Variants in REC114 observed in about 807,000 individuals in gnomAD.
REC114 encodes the protein REC114 meiotic recombination protein.
In REC114, 27 loss-of-function variants were observed where a neutral mutation model predicts 31.3. That is an observed-to-expected ratio of 0.86 (90% CI 0.64 to 1.19). The LOEUF (loss-of-function observed/expected upper bound fraction) is 1.19. REC114 is among the 50% of genes most tolerant of loss of function. The probability of loss-of-function intolerance (pLI) is 0.00; values close to 1 mark genes in which losing one functional copy is unlikely to be tolerated. For missense variants in REC114, 344 were observed against 326.9 expected (o/e 1.05, Z -0.40); for synonymous variants, 134 against 127.7 (o/e 1.05, Z -0.33).
chr15:73,516,206 G>T (rs897276088), intron 2 of REC114, among the ~76,000 whole-genome samples: 4 of 151,850 alleles, frequency 2.6e-5, no homozygotes, highest in African/African-American at 7.3e-5. Flanking sequence ...GGCTAGTCTC[G>T]AACTCCTGAC....
chr15:73,455,028 G>C (rs16957912), intron 1 of REC114, among the ~76,000 whole-genome samples: 25,116 of 152,152 alleles, frequency 0.17, 3,266 homozygotes, highest in African/African-American at 0.36. Context: ...TTTTGCAGTG[G>C]TTTTGAAAAC....
At chr15:73,492,995 C>A (rs1012986428) in intron 2 of REC114, among the ~76,000 whole-genome samples, 1 of 151,350 alleles carries the variant, frequency 6.6e-6, no homozygotes, top group Non-Finnish European at 1.5e-5. Context: ...TTTTTTTACT[C>A]TTCTTTATTT....
chr15:73,461,578 T>G (rs1011471476), intron 1 of REC114, among the ~76,000 whole-genome samples: 1 of 152,192 alleles, frequency 6.6e-6, no homozygotes, highest in Non-Finnish European at 1.5e-5. Flanking sequence ...TTCTACCTGA[T>G]GTTAGATTTT....
intron 1 of REC114, among the ~76,000 whole-genome samples, chr15:73,445,315 A>G (rs1892750293): frequency 6.6e-6 from 1 of 152,218 alleles, no homozygotes; most frequent in African/African-American, 2.4e-5. Flanking sequence ...ATACGTTAAA[A>G]AATCAGATCA....
At chr15:73,482,055 T>C (rs1893302657) in intron 2 of REC114, among the ~76,000 whole-genome samples, 2 of 152,176 alleles carry the variant, frequency 1.3e-5, no homozygotes, top group Non-Finnish European at 2.9e-5. Flanking sequence ...ACTCTTCATC[T>C]TGCAAAACGA....
At chr15:73,448,099 GTTT>G (rs112509142) in intron 1 of REC114, among the ~76,000 whole-genome samples, 46 of 145,328 alleles carry the variant, frequency 3.2e-4, no homozygotes, top group African/African-American at 1.0e-3. Flanking sequence ...GAGTTTGTTT[GTTT>G]TTTTTTTTTC....
intron 1 of REC114, among the ~76,000 whole-genome samples, chr15:73,446,979 T>G (rs1892773034): frequency 6.6e-6 from 1 of 152,214 alleles, no homozygotes; most frequent in African/African-American, 2.4e-5. Flanking sequence ...TGATGATGGC[T>G]TAGACTCAGG....
In REC114 at chr15:73,448,831, G is replaced by A. The variant is rs187893340; in HGVS notation, c.159+5487G>A. Among the ~76,000 whole-genome samples, 1,043 of 152,276 alleles carry A rather than the reference G, an allele frequency of 6.8e-3. 11 individuals are homozygous for A. Among genetic ancestry groups the A allele is most frequent in the African/African-American group, 0.023 (969 of 41,548 alleles). ...GGCAGCAGCCTGTTCTGCAGCCTCC[G>A]CTGGTGATACCCAGGCAAACAGGGT... On this transcript the variant is annotated intron_variant, in intron 1 of 5. Transcript: ENST00000331090.
At chr15:73,536,266 T>C (rs578191534) in intron 2 of REC114, among the ~76,000 whole-genome samples, 47 of 152,320 alleles carry the variant, frequency 3.1e-4, no homozygotes, top group African/African-American at 1.0e-3. Flanking sequence ...CTCAGCACTT[T>C]CCTGGGTTAT....
intron 2 of REC114, among the ~76,000 whole-genome samples, chr15:73,491,320 ATAAG>A (rs1245665998): frequency 5.6e-4 from 7 of 12,490 alleles, no homozygotes; most frequent in Non-Finnish European, 9.5e-4. Context: ...TTTTGTATAT[ATAAG>A]TATTTGTGTA....
chr15:73,471,885 T>G (rs1294005616), intron 1 of REC114, among the ~76,000 whole-genome samples: 1 of 152,178 alleles, frequency 6.6e-6, no homozygotes, highest in Admixed American at 6.5e-5. Context: ...TGTCAAATAA[T>G]TCTTTATGAT....
chr15:73,554,941 G>A (rs1191719568), intron 4 of REC114, among the ~76,000 whole-genome samples: 1 of 152,242 alleles, frequency 6.6e-6, no homozygotes, highest in Non-Finnish European at 1.5e-5. Flanking sequence ...TGTTTTTACA[G>A]AGGAGAAAAC....
At chr15:73,465,054 G>C (rs1893038718) in intron 1 of REC114, among the ~76,000 whole-genome samples, 1 of 152,092 alleles carries the variant, frequency 6.6e-6, no homozygotes, top group African/African-American at 2.4e-5. Flanking sequence ...ACCACGCCCA[G>C]CTAATTTTTG....
At chr15:73,549,846 T>G in intron 3 of REC114, among the ~76,000 whole-genome samples, 1 of 152,350 alleles carries the variant, frequency 6.6e-6, no homozygotes, top group East Asian at 1.9e-4. Context: ...TACCATTATC[T>G]CAGCCATGCC....
intron 2 of REC114, among the ~76,000 whole-genome samples, chr15:73,522,595 ATTG>A (rs911089070): frequency 2.0e-5 from 3 of 151,948 alleles, no homozygotes; most frequent in Non-Finnish European, 4.4e-5. Flanking sequence ...ATTCACCCAT[ATTG>A]TTGTTTGTAT....
intron 5 of REC114, among the ~76,000 whole-genome samples, chr15:73,559,002 A>C (rs540763769): frequency 6.6e-6 from 1 of 152,366 alleles, no homozygotes; most frequent in African/African-American, 2.4e-5. Context: ...AACATCATGG[A>C]TTAATCCCAA....
At chr15:73,446,357 T>C (rs1892764942) in intron 1 of REC114, among the ~76,000 whole-genome samples, 1 of 152,162 alleles carries the variant, frequency 6.6e-6, no homozygotes, top group African/African-American at 2.4e-5. Context: ...AGGTCCCAGG[T>C]AGCTGGGTGT....
At position 73,558,306 on chromosome 15, in the gene REC114, C is replaced by G. The variant is rs1894504608; in HGVS notation, c.637-1446C>G. Reference sequence around the variant, plus strand: ...CCACGTAAAGAATAAAACCACCTACCTCACAGAATTAATGTGAGGAGTCAA... The same window carrying G: ...CCACGTAAAGAATAAAACCACCTACGTCACAGAATTAATGTGAGGAGTCAA... On this transcript the variant is annotated intron_variant, in intron 5 of 5. Transcript: ENST00000331090. 3.3e-5 allele frequency among the ~76,000 whole-genome samples: 5 copies of G among 152,314 alleles called. No individual in the cohort carries two copies. In the South Asian group the frequency reaches 1.0e-3, roughly 32 times the overall value.
Position 73,551,103 on chromosome 15 carries a change from G to A in REC114, c.499G>A (p.Glu167Lys). 3 of 1,613,014 alleles carry A rather than the reference G, an allele frequency of 1.9e-6. No homozygotes were observed. Among genetic ancestry groups the A allele is most frequent in the Middle Eastern group, 3.3e-4 (2 of 6,016 alleles). The change falls in exon 4 of 6, where the codon GAA (glutamate) becomes AAA (lysine). Residue 167 changes from glutamate to lysine, a missense_variant. By Grantham distance (56) the Glu-to-Lys change is moderately conservative. Transcript: ENST00000331090. ...GATTCCTGGCCCACCCAGGGCAACTGAAAGTCAAGGGAAGGATTCTGCAAA... is the reference window on the plus strand; with the variant it reads ...GATTCCTGGCCCACCCAGGGCAACTAAAAGTCAAGGGAAGGATTCTGCAAA... The part of the protein sequence containing the change: ...QLIPGPPRAT[E>K]SQGKDSAKSV...
Sources: allele counts gnomAD v4.1 joint callset (sites outside exome capture counted in the v4.1 genomes callset), GRCh38; gene constraint gnomAD v4.1.1; transcripts MANE v1.5; gene names NCBI Gene and HGNC (gene_info 2026-07-23, HGNC 2026-07-21).